Variants in MEIS1 observed in about 807,000 individuals in gnomAD.
The protein encoded by MEIS1 is Meis homeobox 1.
A neutral mutation model predicts 50.8 loss-of-function variants in MEIS1; 5 were observed. The ratio of observed to expected loss-of-function variants is 0.10; its 90% CI spans 0.05 to 0.21. The LOEUF is 0.21. Ranked by LOEUF, MEIS1 falls within the 10% of genes least tolerant of loss-of-function variation. The pLI is 1.00. For synonymous variants in MEIS1, 176 were observed against 179.3 expected (o/e 0.98, Z 0.15); for missense variants, 318 against 517.3 (o/e 0.61, Z 3.74).
Position 66,435,531 on chromosome 2 carries a change from C to A in MEIS1, c.-326C>A, listed in dbSNP as rs1671778102. The A allele has an allele frequency of 2.7e-6, 1 of 370,848 alleles. No homozygotes were observed. Among genetic ancestry groups the A allele is most frequent in the Non-Finnish European group, 4.7e-6 (1 of 213,270 alleles). The allele number at this position is 370,848 out of a possible 1,614,324, so 23.0% of individuals were successfully genotyped here. On this transcript the variant is annotated 5_prime_UTR_variant, in exon 1 of 13. Transcript: ENST00000272369. The stretch of plus-strand genomic sequence containing the variant: ...TTGGTAGTTGGGTCTGAGGGGCGCT[C>A]TTTTTTTTCCTTTTCTTTCTTTCTT...
chr2:66,550,994 C>T (rs1274268523), intron 9 of MEIS1, among the ~76,000 whole-genome samples: 1 of 152,148 alleles, frequency 6.6e-6, no homozygotes, highest in East Asian at 1.9e-4. Context: ...TACACATGTA[C>T]ATTTTTGTAT....
intron 7 of MEIS1, among the ~76,000 whole-genome samples, chr2:66,468,700 G>C (rs10519065): frequency 0.3 from 45,290 of 152,040 alleles, 9,471 homozygotes; most frequent in African/African-American, 0.59. Context: ...CTTTCTGTTA[G>C]CAATTTGACA....
intron 7 of MEIS1, 128 bp downstream of exon 7, chr2:66,464,348 G>T: frequency 1.3e-6 from 1 of 748,710 alleles, no homozygotes; most frequent in South Asian, 1.6e-5. Flanking sequence ...TTGAGAATCA[G>T]CTCATCTTAT....
chr2:66,491,253 T>A (rs1398171740), intron 7 of MEIS1, among the ~76,000 whole-genome samples: 2 of 152,232 alleles, frequency 1.3e-5, no homozygotes, highest in African/African-American at 2.4e-5. Context: ...AGCAGAACCA[T>A]GAAAATGTCC....
intron 8 of MEIS1, among the ~76,000 whole-genome samples, chr2:66,518,179 A>G (rs1367574282): frequency 6.6e-6 from 1 of 152,180 alleles, no homozygotes; most frequent in African/African-American, 2.4e-5. Flanking sequence ...AGCAAAATCA[A>G]AAGTCCAACT....
chr2:66,462,754 A>G (rs73937919), intron 6 of MEIS1, among the ~76,000 whole-genome samples: 169 of 152,340 alleles, frequency 1.1e-3, no homozygotes, highest in African/African-American at 3.9e-3. Flanking sequence ...ATATCTTTCA[A>G]TCTCAGAATC....
At chr2:66,552,466 A>T (rs1419208940) in intron 9 of MEIS1, among the ~76,000 whole-genome samples, 6 of 152,216 alleles carry the variant, frequency 3.9e-5, no homozygotes, top group African/African-American at 7.2e-5. Context: ...TCAAGAGAGC[A>T]TATAAAATTC....
intron 3 of MEIS1, 86 bp downstream of exon 3, chr2:66,440,070 C>CTA (rs1403853523): frequency 2.5e-6 from 2 of 812,224 alleles, no homozygotes; most frequent in Non-Finnish European, 1.8e-6. Context: ...CGCGCGCGAA[C>CTA]ACACACACAC....
At chr2:66,555,989 T>G (rs1211688335) in intron 9 of MEIS1, among the ~76,000 whole-genome samples, 1 of 152,130 alleles carries the variant, frequency 6.6e-6, no homozygotes, top group Non-Finnish European at 1.5e-5. Context: ...AGGAGCTTTC[T>G]GTAGACGCTG....
At chr2:66,558,174 G>T (rs1307687335) in intron 9 of MEIS1, among the ~76,000 whole-genome samples, 4 of 150,374 alleles carry the variant, frequency 2.7e-5, no homozygotes, top group Non-Finnish European at 4.4e-5. Flanking sequence ...AGCTACTTGG[G>T]AGACTGAGGC....
chr2:66,558,279 C>CAAAAAAAAAAAAAGAAAAAAAAAAAAA (rs1675121351), intron 9 of MEIS1, among the ~76,000 whole-genome samples: 1 of 57,102 alleles, frequency 1.8e-5, no homozygotes, highest in Non-Finnish European at 2.9e-5. Flanking sequence ...AACTCCATCT[C>CAAAAAAAAAAAAAGAAAAAAAAAAAAA]AAAAAAAAAA....
chr2:66,451,504 T>G (rs1439505742), intron 6 of MEIS1, among the ~76,000 whole-genome samples: 1 of 152,088 alleles, frequency 6.6e-6, no homozygotes, highest in Non-Finnish European at 1.5e-5. Flanking sequence ...CTTATTTCTC[T>G]TCTTTTAAAA....
At chr2:66,473,128 C>A (rs560026866) in intron 7 of MEIS1, among the ~76,000 whole-genome samples, 3 of 151,772 alleles carry the variant, frequency 2.0e-5, no homozygotes, top group Non-Finnish European at 4.4e-5. Flanking sequence ...CCTGTAATCC[C>A]AGCACTTTGG....
At chr2:66,439,700 G>A (rs767951865) in intron 2 of MEIS1, 143 bp from the exon 3 acceptor site, 49 of 1,545,554 alleles carry the variant, frequency 3.2e-5, no homozygotes, top group African/African-American at 4.1e-5. Flanking sequence ...CTGGGGGAGG[G>A]GGAGGAAAAG....
chr2:66,492,064 T>C (rs969166500), intron 7 of MEIS1, among the ~76,000 whole-genome samples: 1 of 146,744 alleles, frequency 6.8e-6, no homozygotes, highest in Non-Finnish European at 1.5e-5. Flanking sequence ...AGTGTGAGCG[T>C]TCACTTGTGT....
At chr2:66,474,839 C>T (rs1672850777) in intron 7 of MEIS1, among the ~76,000 whole-genome samples, 1 of 152,148 alleles carries the variant, frequency 6.6e-6, no homozygotes, top group African/African-American at 2.4e-5. Context: ...GCAGAACTTC[C>T]TGTTACTTAT....
At chr2:66,492,402 A>T (rs1428807169) in intron 7 of MEIS1, among the ~76,000 whole-genome samples, 1 of 152,096 alleles carries the variant, frequency 6.6e-6, no homozygotes, top group Admixed American at 6.5e-5. Flanking sequence ...GTGGATGCTG[A>T]GGTCTCAAGT....
chr2:66,534,729 C>T (rs565436160), intron 8 of MEIS1, among the ~76,000 whole-genome samples: 1 of 152,010 alleles, frequency 6.6e-6, no homozygotes, highest in African/African-American at 2.4e-5. Context: ...GTGTAATTAG[C>T]AACCTTAAGT....
intron 5 of MEIS1, 175 bp from the exon 6 acceptor site, chr2:66,442,727 A>G: frequency 1.7e-6 from 1 of 576,280 alleles, no homozygotes; most frequent in South Asian, 2.8e-5. Context: ...TCTATTTTGC[A>G]AGAAAAGAAA....
Sources: allele counts gnomAD v4.1 joint callset (sites outside exome capture counted in the v4.1 genomes callset), GRCh38; gene constraint gnomAD v4.1.1; transcripts MANE v1.5; gene names NCBI Gene and HGNC (gene_info 2026-07-23, HGNC 2026-07-21).